Variants in PPP1R42 observed in about 807,000 individuals in gnomAD.
PPP1R42 encodes the protein leucine rich repeat containing 67.
In PPP1R42, 34 loss-of-function variants were observed where a neutral mutation model predicts 31.0. That is an observed-to-expected ratio of 1.10 (90% CI 0.83 to 1.46). The LOEUF (loss-of-function observed/expected upper bound fraction) is 1.46. PPP1R42 is among the 40% of genes most tolerant of loss of function. The pLI is 0.00. For synonymous variants in PPP1R42, 103 were observed against 109.8 expected (o/e 0.94, Z 0.39); for missense variants, 268 against 303.0 (o/e 0.88, Z 0.86).
chr8:66,984,747 G>A, intron 6 of PPP1R42: 3 of 1,608,454 alleles, frequency 1.9e-6, no homozygotes, highest in Non-Finnish European at 2.6e-6. Context: ...CTACCTTCGT[G>A]GGGTCTTGAA....
chr8:66,971,841 A>G (rs1230963837), intron 7 of PPP1R42, among the ~76,000 whole-genome samples: 67 of 152,326 alleles, frequency 4.4e-4, no homozygotes, highest in Non-Finnish European at 1.2e-4. Context: ...AATAATTCCT[A>G]TAATTTTACC....
chr8:67,013,111 C>G lies in PPP1R42; in HGVS notation c.297-15G>C, dbSNP rs372918805. The G allele has an allele frequency of 5.1e-6, 8 of 1,574,384 alleles. No individual in the cohort carries two copies. Among genetic ancestry groups the G allele is most frequent in the Admixed American group, 2.0e-5 (1 of 51,046 alleles). On this transcript the variant is annotated splice_polypyrimidine_tract_variant and intron_variant, in intron 3 of 7. Transcript: ENST00000685739. Reference sequence around the variant, plus strand: ...CTCCCAGATACCTGCAAAACATAGACATAATTCTAAACAGACATTCTGAGA... The same window carrying G: ...CTCCCAGATACCTGCAAAACATAGAGATAATTCTAAACAGACATTCTGAGA...
intron 5 of PPP1R42, among the ~76,000 whole-genome samples, chr8:67,007,386 T>C (rs1312093687): frequency 6.6e-6 from 1 of 152,138 alleles, no homozygotes; most frequent in Non-Finnish European, 1.5e-5. Flanking sequence ...ATGGATGCTC[T>C]TTTTTTCACT....
chr8:66,974,752 C>T (rs1814624000), intron 7 of PPP1R42, among the ~76,000 whole-genome samples: 1 of 152,072 alleles, frequency 6.6e-6, no homozygotes, highest in Non-Finnish European at 1.5e-5. Flanking sequence ...CTTTTCTTTC[C>T]CCATTGTGTA....
At chr8:67,001,668 G>A (rs1272298696) in intron 5 of PPP1R42, among the ~76,000 whole-genome samples, 1 of 152,094 alleles carries the variant, frequency 6.6e-6, no homozygotes, top group Non-Finnish European at 1.5e-5. Context: ...AAATAGCATG[G>A]TACTACTTCA....
chr8:67,016,125 G>C (rs1816010750), intron 2 of PPP1R42, among the ~76,000 whole-genome samples: 2 of 152,154 alleles, frequency 1.3e-5, no homozygotes, highest in African/African-American at 4.8e-5. Flanking sequence ...GAATTCGTGG[G>C]AAGAAGGATC....
At chr8:66,984,232 C>T in intron 6 of PPP1R42, 1 of 1,511,708 alleles carries the variant, frequency 6.6e-7, no homozygotes, top group Non-Finnish European at 9.2e-7. Context: ...CTCTATAGGA[C>T]ACTGTTTAAA....
At chr8:66,992,794 A>G (rs2130937367) in intron 5 of PPP1R42, among the ~76,000 whole-genome samples, 1 of 152,308 alleles carries the variant, frequency 6.6e-6, no homozygotes, top group South Asian at 2.1e-4. Context: ...CTGTTACCCT[A>G]AAGAAAGAGA....
Position 66,972,551 on chromosome 8 carries a change from G to A in PPP1R42, c.803-8217C>T, listed in dbSNP as rs568945391. On this transcript the variant is annotated intron_variant, in intron 7 of 7. Transcript: ENST00000685739. ...ATTATAGGCGCCTGCCACCACACCC[G>A]GCTAATTTTTGTACTATTAGTAGAG... Among the ~76,000 whole-genome samples the A allele has an allele frequency of 2.1e-3, 323 of 151,988 alleles. 1 individual carries two copies. The highest frequency in any genetic ancestry group is 7.3e-3 in the African/African-American group (303 of 41,446).
intron 1 of PPP1R42, among the ~76,000 whole-genome samples, chr8:67,022,521 C>T (rs1816253687): frequency 6.6e-6 from 1 of 151,920 alleles, no homozygotes; most frequent in Admixed American, 6.6e-5. Flanking sequence ...AGAAGCTTTA[C>T]TTTTTAATAT....
intron 7 of PPP1R42, among the ~76,000 whole-genome samples, chr8:66,965,768 A>G (rs1035319632): frequency 2.0e-5 from 3 of 152,224 alleles, no homozygotes; most frequent in Admixed American, 6.5e-5. Context: ...AAAAAAATTT[A>G]AAAAATTAGA....
chr8:67,008,872 A>T (rs1440185700), intron 5 of PPP1R42, among the ~76,000 whole-genome samples: 2 of 151,520 alleles, frequency 1.3e-5, no homozygotes, highest in Non-Finnish European at 2.9e-5. Context: ...ATGCAGAAAA[A>T]CCTCCTTTGG....
At chr8:66,995,878 A>G (rs1350437528) in intron 5 of PPP1R42, among the ~76,000 whole-genome samples, 1 of 152,220 alleles carries the variant, frequency 6.6e-6, no homozygotes, top group Non-Finnish European at 1.5e-5. Flanking sequence ...ATTTCTAAAT[A>G]ACAATGGCTA....
chr8:66,993,199 A>T (rs1166414989), intron 5 of PPP1R42, among the ~76,000 whole-genome samples: 1 of 152,096 alleles, frequency 6.6e-6, no homozygotes, highest in East Asian at 1.9e-4. Flanking sequence ...ACAGCTCTCC[A>T]ATCTGTCCAC....
chr8:66,984,844 A>T (rs1007338986), intron 6 of PPP1R42: 2 of 1,593,310 alleles, frequency 1.3e-6, no homozygotes, highest in Non-Finnish European at 1.7e-6. Context: ...GACTTTTTCT[A>T]GTAGTTCCTT....
At chr8:67,015,779 C>G (rs1365721850) in intron 2 of PPP1R42, among the ~76,000 whole-genome samples, 1 of 152,072 alleles carries the variant, frequency 6.6e-6, no homozygotes, top group East Asian at 1.9e-4. Context: ...GCTGCCATTT[C>G]TTGTGTCATG....
At chr8:67,024,594 C>T (rs113560862) in intron 1 of PPP1R42, among the ~76,000 whole-genome samples, 97 of 151,968 alleles carry the variant, frequency 6.4e-4, no homozygotes, top group African/African-American at 2.1e-3. Flanking sequence ...CCTGCCTCAG[C>T]CTCCTGAGTA....
rs192079825 is a variant in PPP1R42, at chr8:66,999,417, C to T, written c.553-10900G>A. Among the ~76,000 whole-genome samples the T allele has an allele frequency of 5.3e-4, 81 of 152,294 alleles. 1 individual carries two copies. The highest frequency in any genetic ancestry group is 1.5e-3 in the African/African-American group (61 of 41,554). On this transcript the variant is annotated intron_variant, in intron 5 of 7. Transcript: ENST00000685739. Reference sequence around the variant, plus strand: ...TTTATTTTTAGTAGAGACGGGGTTTCGCCACATTGGTCAGGCTAGCCTCGA... The same window carrying T: ...TTTATTTTTAGTAGAGACGGGGTTTTGCCACATTGGTCAGGCTAGCCTCGA...
At chr8:67,024,898 A>G (rs896702784) in intron 1 of PPP1R42, among the ~76,000 whole-genome samples, 1 of 151,678 alleles carries the variant, frequency 6.6e-6, no homozygotes, top group African/African-American at 2.4e-5. Context: ...ACATATATAC[A>G]CAAATTAAGT....
Sources: allele counts gnomAD v4.1 joint callset (sites outside exome capture counted in the v4.1 genomes callset), GRCh38; gene constraint gnomAD v4.1.1; transcripts MANE v1.5; gene names NCBI Gene and HGNC (gene_info 2026-07-23, HGNC 2026-07-21).